The following MTUS2 variants were observed in gnomAD, a reference collection of about 807,000 sequenced individuals.
MTUS2 encodes microtubule-associated tumor suppressor candidate 2.
MTUS2 carries 40 observed loss-of-function variants against 114.1 expected under a neutral mutation model. The observed-to-expected ratio is 0.35, with a 90% CI of 0.27 to 0.46. The LOEUF (loss-of-function observed/expected upper bound fraction) is 0.46, where lower values mean the gene tolerates loss of function less well. MTUS2 is among the 20% of genes least tolerant of loss of function. MTUS2 has a pLI of 1.00. For missense variants in MTUS2, 1,679 were observed against 1,705.4 expected (o/e 0.98, Z 0.27); for synonymous variants, 688 against 672.0 (o/e 1.02, Z -0.37).
intron 2 of MTUS2, among the ~76,000 whole-genome samples, chr13:29,014,949 A>G (rs757623019): frequency 3.3e-5 from 5 of 152,230 alleles, no homozygotes; most frequent in Admixed American, 6.5e-5. Flanking sequence ...TTCTTCCTCC[A>G]TAGAAAGGAA....
At position 29,357,289 on chromosome 13, in the gene MTUS2, C is replaced by T. The variant is rs1204972316; in HGVS notation, c.2906-1973C>T. 5.3e-5 allele frequency among the ~76,000 whole-genome samples: 8 copies of T among 152,174 alleles called. No homozygotes were observed. In the East Asian group the frequency reaches 7.7e-4, roughly 15 times the overall value. On this transcript the variant is annotated intron_variant, in intron 7 of 15. Transcript: ENST00000612955. ...AGCCAAAAATGCGTGACAGTGTGAG[C>T]GCCTGCTAACGTCCACAAGCTCAGA...
chr13:29,208,205 A>G (rs1895273922), intron 5 of MTUS2, among the ~76,000 whole-genome samples: 1 of 151,894 alleles, frequency 6.6e-6, no homozygotes, highest in African/African-American at 2.4e-5. Flanking sequence ...TAGGTTTTCT[A>G]CTTTGTGCAT....
chr13:29,437,891 T>C (rs1164713096), intron 8 of MTUS2, among the ~76,000 whole-genome samples: 2 of 150,578 alleles, frequency 1.3e-5, no homozygotes, highest in Non-Finnish European at 2.9e-5. Flanking sequence ...GAGGTTGCAG[T>C]GAGCCATGAT....
chr13:28,982,465 T>G (rs904649050), intron 2 of MTUS2, among the ~76,000 whole-genome samples: 1 of 152,170 alleles, frequency 6.6e-6, no homozygotes, highest in African/African-American at 2.4e-5. Context: ...GTATGGTGGT[T>G]CCTCAAAAAA....
intron 5 of MTUS2, among the ~76,000 whole-genome samples, chr13:29,274,339 T>G (rs1897983488): frequency 6.6e-6 from 1 of 152,148 alleles, no homozygotes; most frequent in Admixed American, 6.6e-5. Context: ...CTCGATCTCC[T>G]GACCTTGTGA....
chr13:29,225,132 C>G (rs536445126), intron 5 of MTUS2, among the ~76,000 whole-genome samples: 4 of 152,352 alleles, frequency 2.6e-5, no homozygotes, highest in Admixed American at 2.6e-4. Context: ...AGAGCACACC[C>G]AGTTCCTGCC....
At position 28,854,284 on chromosome 13, in the gene MTUS2, A is replaced by G. The variant is rs142698785; in HGVS notation, c.-243+14434A>G. Among the ~76,000 whole-genome samples the G allele has an allele frequency of 1.8e-3, 274 of 152,314 alleles. 1 individual carries two copies. Among genetic ancestry groups the G allele is most frequent in the Non-Finnish European group, 3.4e-3 (233 of 68,034 alleles). ...TGCTTCTGTGCATCTGAAACCAGGAAGTCATTTCTCTCCACAAGAAATTGT... is the reference window on the plus strand; with the variant it reads ...TGCTTCTGTGCATCTGAAACCAGGAGGTCATTTCTCTCCACAAGAAATTGT... On this transcript the variant is annotated intron_variant, in intron 2 of 15. Coordinates refer to ENST00000612955, the MANE Select transcript of MTUS2 (RefSeq NM_001033602.4).
rs1439993558 is a variant in MTUS2, at chr13:29,025,477, A to G, written c.779A>G (p.Gln260Arg). The change falls in exon 3 of 16, where the codon CAA (glutamine) becomes CGA (arginine). Residue 260 changes from glutamine (Q) to arginine (R), a missense_variant. Physicochemically the swap from Gln to Arg is conservative, Grantham distance 43 (BLOSUM62 1). Coordinates refer to ENST00000612955, the MANE Select transcript of MTUS2 (RefSeq NM_001033602.4). Reference protein sequence around the residue: ...ESKQSTPSETQTVGAHVLQVC... With the variant: ...ESKQSTPSETRTVGAHVLQVC... ...AAGCAGAGCACTCCCTCAGAGACCCAAACAGTGGGGGCACATGTACTGCAG... is the reference window on the plus strand; with the variant it reads ...AAGCAGAGCACTCCCTCAGAGACCCGAACAGTGGGGGCACATGTACTGCAG... 1.9e-6 allele frequency: 3 copies of G among 1,613,350 alleles called. No individual in the cohort carries two copies. The African/African-American group carries it at 4.0e-5, about 22-fold the overall frequency.
chr13:29,174,414 A>G (rs1893685875), intron 5 of MTUS2, among the ~76,000 whole-genome samples: 1 of 152,220 alleles, frequency 6.6e-6, no homozygotes, highest in South Asian at 2.1e-4. Context: ...GTGAGCCATC[A>G]GAACCAGAAC....
intron 7 of MTUS2, among the ~76,000 whole-genome samples, chr13:29,329,099 T>C (rs1900652517): frequency 6.6e-6 from 1 of 152,220 alleles, no homozygotes; most frequent in Non-Finnish European, 1.5e-5. Flanking sequence ...AAGTGGTAGA[T>C]AATTACAGAT....
intron 2 of MTUS2, among the ~76,000 whole-genome samples, chr13:29,021,133 G>A (rs1886273994): frequency 6.6e-6 from 1 of 152,174 alleles, no homozygotes; most frequent in Non-Finnish European, 1.5e-5. Flanking sequence ...CAGATGTGGT[G>A]GTGTGCACCT....
chr13:28,963,217 G>C (rs947427312), intron 2 of MTUS2, among the ~76,000 whole-genome samples: 1 of 152,174 alleles, frequency 6.6e-6, no homozygotes, highest in African/African-American at 2.4e-5. Flanking sequence ...CGGGCGTGGT[G>C]GTGGGCGCCT....
At chr13:28,987,190 G>T (rs1181235581) in intron 2 of MTUS2, among the ~76,000 whole-genome samples, 1 of 152,192 alleles carries the variant, frequency 6.6e-6, no homozygotes. Flanking sequence ...CCTACAGGTG[G>T]TAGTGAGCCT....
At chr13:29,071,499 T>C (rs1318545024) in intron 4 of MTUS2, among the ~76,000 whole-genome samples, 2 of 133,848 alleles carry the variant, frequency 1.5e-5, no homozygotes, top group Non-Finnish European at 3.1e-5. Context: ...TGATCTGGGC[T>C]CACTGCAACC....
chr13:28,846,157 G>A (rs926375284), intron 2 of MTUS2, among the ~76,000 whole-genome samples: 3 of 151,694 alleles, frequency 2.0e-5, no homozygotes, highest in African/African-American at 7.3e-5. Context: ...ACTGTGGATC[G>A]TGTTTAGGCA....
chr13:29,169,673 C>G (rs1893470570), intron 5 of MTUS2, among the ~76,000 whole-genome samples: 1 of 152,194 alleles, frequency 6.6e-6, no homozygotes, highest in Admixed American at 6.5e-5. Flanking sequence ...CTCCTCTTAT[C>G]TATCACTTTG....
chr13:29,257,354 A>C (rs927594776), intron 5 of MTUS2, among the ~76,000 whole-genome samples: 1 of 152,232 alleles, frequency 6.6e-6, no homozygotes, highest in Non-Finnish European at 1.5e-5. Flanking sequence ...CCTCAGAGCA[A>C]GATGTCATCA....
chr13:29,116,428 C>A (rs1015450519), intron 5 of MTUS2, among the ~76,000 whole-genome samples: 1 of 152,228 alleles, frequency 6.6e-6, no homozygotes, highest in East Asian at 1.9e-4. Flanking sequence ...CTATTATGTA[C>A]ATCAATTCTT....
intron 2 of MTUS2, among the ~76,000 whole-genome samples, chr13:28,995,606 G>A (rs1885064254): frequency 1.3e-5 from 2 of 152,074 alleles, no homozygotes; most frequent in South Asian, 4.2e-4. Context: ...TCCTTGAAGA[G>A]GTCCTTCACA....
Sources: allele counts gnomAD v4.1 joint callset (sites outside exome capture counted in the v4.1 genomes callset), GRCh38; gene constraint gnomAD v4.1.1; transcripts MANE v1.5; gene names NCBI Gene and HGNC (gene_info 2026-07-23, HGNC 2026-07-21).